The following ADGRL2 variants were observed in gnomAD, a reference collection of about 807,000 sequenced individuals.
The protein encoded by ADGRL2 is calcium-independent alpha-latrotoxin receptor 2.
In ADGRL2, 44 loss-of-function variants were observed where a neutral mutation model predicts 157.4. The ratio of observed to expected loss-of-function variants is 0.28; its 90% CI spans 0.22 to 0.36. The LOEUF is 0.36. Among genes scored for constraint, ADGRL2 ranks in the 10% least tolerant of loss-of-function variants. ADGRL2 has a pLI of 1.00. For synonymous variants in ADGRL2, 585 were observed against 624.7 expected (o/e 0.94, Z 0.95); for missense variants, 1,510 against 1,768.9 (o/e 0.85, Z 2.63).
intron 1 of ADGRL2, among the ~76,000 whole-genome samples, chr1:81,371,179 A>AAT (rs2076154332): frequency 2.0e-5 from 3 of 152,198 alleles, no homozygotes; most frequent in African/African-American, 7.2e-5. Context: ...AGCCAAGGCT[A>AAT]CTAGAACCGA....
intron 1 of ADGRL2, among the ~76,000 whole-genome samples, chr1:81,818,293 A>G (rs545554917): frequency 6.6e-6 from 1 of 152,282 alleles, no homozygotes; most frequent in South Asian, 2.1e-4. Context: ...CAGAGCAGCT[A>G]TTTCCTTTTT....
intron 2 of ADGRL2, among the ~76,000 whole-genome samples, chr1:81,532,970 A>G (rs376523181): frequency 1.1e-4 from 16 of 139,568 alleles, no homozygotes; most frequent in African/African-American, 4.5e-4. Flanking sequence ...CTATCTATCT[A>G]TCATCTATCT....
At chr1:81,689,775 C>A (rs74786379) in intron 3 of ADGRL2, among the ~76,000 whole-genome samples, 1 of 152,142 alleles carries the variant, frequency 6.6e-6, no homozygotes, top group African/African-American at 2.4e-5. Flanking sequence ...GGAGCCAGTG[C>A]GTTTGAGACT....
At chr1:81,557,300 T>C (rs553352884) in intron 2 of ADGRL2, 4 of 197,094 alleles carry the variant, frequency 2.0e-5, no homozygotes, top group East Asian at 2.5e-4. Flanking sequence ...ACTCATTCCT[T>C]AGTTTTGAGA....
chr1:81,397,257 T>C (rs1233567102), intron 1 of ADGRL2, among the ~76,000 whole-genome samples: 2 of 151,814 alleles, frequency 1.3e-5, no homozygotes, highest in Admixed American at 6.6e-5. Context: ...CACAGAGCTA[T>C]TCATAATGGT....
At chr1:81,724,372 TAAATTGATATGCACAGAGGGGA>T (rs2084439324) in intron 1 of ADGRL2, among the ~76,000 whole-genome samples, 1 of 152,174 alleles carries the variant, frequency 6.6e-6, no homozygotes, top group South Asian at 2.1e-4. Context: ...AGGTTTGAAT[TAAATTGATATGCACAGAGGGGA>T]ACCAATTTTT....
At chr1:81,657,875 A>C (rs1014501237) in intron 3 of ADGRL2, among the ~76,000 whole-genome samples, 1 of 152,178 alleles carries the variant, frequency 6.6e-6, no homozygotes, top group African/African-American at 2.4e-5. Context: ...CTATTACCAC[A>C]TATTATTTTT....
chr1:81,590,642 T>G (rs2148586625), intron 3 of ADGRL2, among the ~76,000 whole-genome samples: 1 of 152,328 alleles, frequency 6.6e-6, no homozygotes, highest in South Asian at 2.1e-4. Context: ...ATAAACAGCA[T>G]GTCCTCCAAG....
chr1:81,641,207 C>A (rs919810996), intron 3 of ADGRL2, among the ~76,000 whole-genome samples: 1 of 152,088 alleles, frequency 6.6e-6, no homozygotes, highest in Non-Finnish European at 1.5e-5. Flanking sequence ...AATAGATAGT[C>A]CACTATTATA....
chr1:81,420,421 C>A (rs1329618658), intron 1 of ADGRL2, among the ~76,000 whole-genome samples: 1 of 152,144 alleles, frequency 6.6e-6, no homozygotes, highest in Non-Finnish European at 1.5e-5. Context: ...AGAAAGCTCC[C>A]ACAATAATGA....
intron 2 of ADGRL2, among the ~76,000 whole-genome samples, chr1:81,526,396 T>A (rs1428481796): frequency 6.6e-6 from 1 of 152,204 alleles, no homozygotes; most frequent in African/African-American, 2.4e-5. Flanking sequence ...CACTTGAAAT[T>A]CATATATCAA....
chr1:81,951,996 C>G lies in ADGRL2; in HGVS notation c.1648C>G (p.Leu550Val), dbSNP rs761035228. Residue 550 changes from leucine to valine, a missense_variant, in exon 9 of 24, where the codon CTG (leucine) becomes GTG (valine). Leu to Val is a conservative substitution (Grantham distance 32, BLOSUM62 1). Coordinates refer to ENST00000686636, the MANE Select transcript of ADGRL2 (RefSeq NM_001366006.2). ...AAATGCTGCTAGTCTTGCCAATGAA[C>G]TGGCTAAACATACCAAAGGGCCAGT... ...GENAASLANE[L>V]AKHTKGPVFA... The G allele has an allele frequency of 6.8e-6, 11 of 1,609,476 alleles. No homozygotes were observed. Among genetic ancestry groups the G allele is most frequent in the Non-Finnish European group, 8.5e-6 (10 of 1,177,368 alleles).
intron 2 of ADGRL2, among the ~76,000 whole-genome samples, chr1:81,568,677 T>C (rs2080617363): frequency 1.3e-5 from 2 of 152,196 alleles, no homozygotes; most frequent in African/African-American, 2.4e-5. Flanking sequence ...AAAGAAGGGT[T>C]AGATAACTCA....
chr1:81,797,752 T>G (rs759604385), upstream of ADGRL2, among the ~76,000 whole-genome samples: 4 of 152,144 alleles, frequency 2.6e-5, no homozygotes, highest in Non-Finnish European at 5.9e-5. Flanking sequence ...ATGAACCCAC[T>G]GAATAAAATA....
intron 1 of ADGRL2, among the ~76,000 whole-genome samples, chr1:81,386,397 T>C (rs1570798493): frequency 6.6e-6 from 1 of 152,136 alleles, no homozygotes. Flanking sequence ...TCTTGCAGTG[T>C]TTTTTGTATT....
chr1:81,673,022 T>C (rs533171915), intron 3 of ADGRL2, among the ~76,000 whole-genome samples: 1 of 152,346 alleles, frequency 6.6e-6, no homozygotes, highest in African/African-American at 2.4e-5. Flanking sequence ...TACACTGGAT[T>C]GAAACCTTTA....
At chr1:81,663,036 C>T (rs2082685757) in intron 3 of ADGRL2, among the ~76,000 whole-genome samples, 1 of 151,658 alleles carries the variant, frequency 6.6e-6, no homozygotes, top group South Asian at 2.1e-4. Context: ...TAAACCTTAT[C>T]TTGTTCCCCG....
At chr1:81,885,474 G>A (rs2094107081) in intron 2 of ADGRL2, among the ~76,000 whole-genome samples, 1 of 152,110 alleles carries the variant, frequency 6.6e-6, no homozygotes, top group South Asian at 2.1e-4. Flanking sequence ...CTTATCCAGG[G>A]CTTGACAAGA....
chr1:81,826,050 A>G (rs2091452607), intron 1 of ADGRL2, among the ~76,000 whole-genome samples: 1 of 152,190 alleles, frequency 6.6e-6, no homozygotes, highest in African/African-American at 2.4e-5. Context: ...TACCTTTTGT[A>G]TTGACAGAGC....
Sources: allele counts gnomAD v4.1 joint callset (sites outside exome capture counted in the v4.1 genomes callset), GRCh38; gene constraint gnomAD v4.1.1; transcripts MANE v1.5; gene names NCBI Gene and HGNC (gene_info 2026-07-23, HGNC 2026-07-21).